The following PPFIA2 variants were observed in gnomAD, a reference collection of about 807,000 sequenced individuals.
PPFIA2 encodes PPFI scaffold protein A2.
In PPFIA2, 46 loss-of-function variants were observed where a neutral mutation model predicts 175.5. The observed-to-expected ratio is 0.26, with a 90% CI of 0.21 to 0.34. The LOEUF (loss-of-function observed/expected upper bound fraction) is 0.34. PPFIA2 is among the 10% of genes least tolerant of loss of function. The pLI is 1.00. For missense variants in PPFIA2, 1,179 were observed against 1,506.1 expected (o/e 0.78, Z 3.60); for synonymous variants, 568 against 511.4 (o/e 1.11, Z -1.49).
chr12:81,570,144 A>G (rs2072221559), intron 4 of PPFIA2, among the ~76,000 whole-genome samples: 1 of 152,198 alleles, frequency 6.6e-6, no homozygotes, highest in South Asian at 2.1e-4. Context: ...ATGGCTAACC[A>G]TATGGTTAAC....
intron 8 of PPFIA2, among the ~76,000 whole-genome samples, chr12:81,394,491 C>T (rs1213271726): frequency 2.6e-5 from 4 of 151,894 alleles, no homozygotes; most frequent in African/African-American, 4.8e-5. Context: ...TTGTTTATCC[C>T]TAGGAAAAGA....
Position 81,642,766 on chromosome 12 carries a change from ATGTATGTATG to A in PPFIA2, c.303+34015_303+34024del, listed in dbSNP as rs1239928534. On this transcript the variant is annotated intron_variant, in intron 4 of 32. Coordinates refer to ENST00000549396, the MANE Select transcript of PPFIA2 (RefSeq NM_003625.5). ...GTATGTATTATATACATACATGTATATGTATGTATGTATTATATACATACATGTATATGTA... is the reference window on the plus strand; with the variant it reads ...GTATGTATTATATACATACATGTATATATTATATACATACATGTATATGTA... Among the ~76,000 whole-genome samples the A allele has an allele frequency of 1.4e-3, 6 of 4,168 alleles. 2 individuals are homozygous for A. The highest frequency in any genetic ancestry group is 4.7e-3 in the East Asian group (2 of 424). 2.7% of individuals were successfully genotyped at this position (4,168 alleles called of 152,430 possible).
At chr12:81,725,719 G>A (rs903774493) in intron 3 of PPFIA2, among the ~76,000 whole-genome samples, 2 of 150,780 alleles carry the variant, frequency 1.3e-5, no homozygotes, top group Non-Finnish European at 3.0e-5. Context: ...ATAAAAGTAA[G>A]TTGAAAGAAA....
chr12:81,619,991 C>T (rs1299394663), intron 4 of PPFIA2, among the ~76,000 whole-genome samples: 1 of 151,802 alleles, frequency 6.6e-6, no homozygotes, highest in Non-Finnish European at 1.5e-5. Flanking sequence ...AACCCCGTCT[C>T]TACTGAAAAT....
intron 4 of PPFIA2, among the ~76,000 whole-genome samples, chr12:81,662,123 C>T (rs2153549087): frequency 6.6e-6 from 1 of 152,100 alleles, no homozygotes; most frequent in East Asian, 1.9e-4. Context: ...GACACCCTAA[C>T]ATCACAATTA....
At chr12:81,737,530 AG>A (rs370974639) in intron 3 of PPFIA2, among the ~76,000 whole-genome samples, 136 of 152,188 alleles carry the variant, frequency 8.9e-4, no homozygotes, top group Non-Finnish European at 1.7e-3. Flanking sequence ...ACTGTCACAC[AG>A]TCAAAAATAA....
chr12:81,272,395 T>C (rs937816453), intron 28 of PPFIA2, among the ~76,000 whole-genome samples: 12 of 152,208 alleles, frequency 7.9e-5, no homozygotes, highest in Non-Finnish European at 5.9e-5. Context: ...TTTTGTTTCT[T>C]GTCATATGTG....
chr12:81,490,807 A>T (rs17008616), intron 4 of PPFIA2, among the ~76,000 whole-genome samples: 5 of 151,832 alleles, frequency 3.3e-5, no homozygotes, highest in African/African-American at 1.2e-4. Context: ...ATTTGCTTAT[A>T]CTGGTCCCCA....
intron 27 of PPFIA2, among the ~76,000 whole-genome samples, chr12:81,278,443 A>G (rs1170381306): frequency 6.6e-6 from 1 of 151,546 alleles, no homozygotes; most frequent in Admixed American, 6.6e-5. Flanking sequence ...CGGGAGGCTG[A>G]GGCAGAAGAA....
At chr12:81,323,762 T>G (rs2054172696) in intron 22 of PPFIA2, among the ~76,000 whole-genome samples, 1 of 152,066 alleles carries the variant, frequency 6.6e-6, no homozygotes, top group Non-Finnish European at 1.5e-5. Context: ...CAACTTACTC[T>G]CTGGTAATCC....
intron 7 of PPFIA2, among the ~76,000 whole-genome samples, chr12:81,423,327 T>C (rs1182391969): frequency 1.3e-5 from 2 of 152,120 alleles, no homozygotes; most frequent in Non-Finnish European, 2.9e-5. Flanking sequence ...ATATTTCTGA[T>C]GAACAAACAT....
chr12:81,704,991 G>C (rs996011008), intron 3 of PPFIA2, among the ~76,000 whole-genome samples: 1 of 147,590 alleles, frequency 6.8e-6, no homozygotes, highest in Non-Finnish European at 1.5e-5. Flanking sequence ...GGCGGAGGCA[G>C]GAGAGTCATT....
chr12:81,724,010 A>G (rs2079698301), intron 3 of PPFIA2, among the ~76,000 whole-genome samples: 1 of 150,980 alleles, frequency 6.6e-6, no homozygotes, highest in African/African-American at 2.4e-5. Context: ...TAATCAAGCT[A>G]TCTACAAATA....
At chr12:81,740,561 A>G (rs1053513009) in intron 3 of PPFIA2, among the ~76,000 whole-genome samples, 1 of 152,184 alleles carries the variant, frequency 6.6e-6, no homozygotes, top group Non-Finnish European at 1.5e-5. Flanking sequence ...GGTTGTTGCT[A>G]CCTTACCCTC....
Position 81,259,778 on chromosome 12 carries a change from G to A in PPFIA2, c.*34-118C>T, listed in dbSNP as rs559062285. On this transcript the variant is annotated intron_variant, in intron 32 of 32. Transcript: ENST00000549396. ...GCTTACTCCTGTCCTAGAAGATCAT[G>A]AGAAGGAAATCATCTAGGATGTAGC... 3.1e-4 allele frequency: 244 copies of A among 797,084 alleles called. 2 individuals are homozygous for A. The South Asian group carries it at 4.5e-3, about 15-fold the overall frequency. 49.4% of individuals were successfully genotyped at this position (797,084 alleles called of 1,614,324 possible).
Position 81,452,120 on chromosome 12 carries a change from A to C in PPFIA2, c.405+5645T>G, listed in dbSNP as rs547629029. ...TTCACACACAGACACACACACACAC[A>C]CCCACACAAACCCACACATCATGCG... On this transcript the variant is annotated intron_variant, in intron 5 of 32. Transcript: ENST00000549396. Among the ~76,000 whole-genome samples the C allele has an allele frequency of 9.9e-5, 15 of 152,078 alleles. No homozygotes were observed. The South Asian group carries it at 2.1e-3, about 21-fold the overall frequency.
At chr12:81,670,376 G>A (rs544937313) in intron 4 of PPFIA2, among the ~76,000 whole-genome samples, 37 of 151,898 alleles carry the variant, frequency 2.4e-4, no homozygotes, top group African/African-American at 7.5e-4. Context: ...GTGGCCTCCC[G>A]GTTCCTTAAT....
chr12:81,284,758 C>A (rs2042891406), intron 24 of PPFIA2, among the ~76,000 whole-genome samples: 1 of 151,978 alleles, frequency 6.6e-6, no homozygotes. Context: ...TTCTCGATAT[C>A]CTTTGAAGGA....
chr12:81,326,740 T>C (rs1036596090), intron 21 of PPFIA2, among the ~76,000 whole-genome samples: 22 of 152,158 alleles, frequency 1.4e-4, no homozygotes, highest in Admixed American at 3.9e-4. Context: ...CTTACTCCTA[T>C]GTTCTGAAGT....
Sources: gnomAD v4.1 joint callset for allele counts (sites outside exome capture counted in the v4.1 genomes callset) on GRCh38, gnomAD v4.1.1 for gene constraint, MANE v1.5 for transcripts, NCBI Gene and HGNC (gene_info 2026-07-23, HGNC 2026-07-21) for gene names.